NOX3: variants seen among roughly 807,000 people sequenced by gnomAD.
NOX3 encodes NADPH oxidase 3.
In NOX3, 74 loss-of-function variants were observed where a neutral mutation model predicts 76.7. The observed-to-expected ratio is 0.96, with a 90% CI of 0.80 to 1.17. The LOEUF is 1.17. Ranked by LOEUF, NOX3 falls within the 50% of genes most tolerant of loss-of-function variation. The probability of loss-of-function intolerance (pLI) is 0.00; values close to 1 mark genes in which losing one functional copy is unlikely to be tolerated. For synonymous variants in NOX3, 263 were observed against 261.1 expected, an observed-to-expected ratio of 1.01 and a Z score of -0.07; for missense variants, 695 against 703.3, an observed-to-expected ratio of 0.99 and a Z score of 0.13.
intron 9 of NOX3, 121 bp downstream of exon 9, chr6:155,428,673 G>T: frequency 2.3e-6 from 2 of 876,180 alleles, no homozygotes; most frequent in Non-Finnish European, 3.1e-6. Flanking sequence ...CTCAAATTTA[G>T]ACACAGTCTC....
rs1396485754 is a variant in NOX3 at position 155,411,248 on chromosome 6, T to C, written c.1421A>G (p.Tyr474Cys). 1 of 1,613,922 alleles carries C rather than the reference T, an allele frequency of 6.2e-7. No individual in the cohort carries two copies. The highest frequency in any genetic ancestry group is 1.3e-5 in the African/African-American group (1 of 74,934). The change falls in exon 11 of 14, where the codon TAT becomes TGT. Residue 474 changes from tyrosine to cysteine, a missense_variant. Physicochemically the swap from Tyr to Cys is radical, Grantham distance 194 (BLOSUM62 -2). Coordinates refer to ENST00000159060, the MANE Select transcript of NOX3 (RefSeq NM_015718.3). ...SEQGKTHFLSYHIFLTGWDEN... is the reference protein window; with the variant it reads ...SEQGKTHFLSCHIFLTGWDEN... ...ATCCCAGCCGGTAAGAAATATATGATAACTCAGAAAGTGAGTTTTCCCCTG... is the reference window on the plus strand; with the variant it reads ...ATCCCAGCCGGTAAGAAATATATGACAACTCAGAAAGTGAGTTTTCCCCTG...
chr6:155,434,621 C>T (rs1417567104), intron 7 of NOX3, among the ~76,000 whole-genome samples: 4 of 152,126 alleles, frequency 2.6e-5, no homozygotes, highest in African/African-American at 7.2e-5. Flanking sequence ...CTAAATGGGC[C>T]AGAAGAGATA....
In NOX3 at chr6:155,428,900, C is replaced by A; in HGVS notation, c.1039G>T (p.Asp347Tyr). 2 of 1,613,766 alleles carry A rather than the reference C, an allele frequency of 1.2e-6. No homozygotes were observed. The highest frequency in any genetic ancestry group is 1.7e-6 in the Non-Finnish European group (2 of 1,179,836). Residue 347 changes from aspartate to tyrosine, a missense_variant, in exon 9 of 14, where the codon GAC becomes TAC. By Grantham distance (160) the Asp-to-Tyr change is radical. Coordinates refer to ENST00000159060, the MANE Select transcript of NOX3 (RefSeq NM_015718.3). ...PFTLTSAPQE[D>Y]FFSVHIRAAG... ...GCCCGGATGTGCACGCTGAAAAAGT[C>A]CTCCTGGGGGGCAGAGGTAAGGGTG...
chr6:155,396,362 A>C (rs563492297), intron 13 of NOX3, among the ~76,000 whole-genome samples: 10 of 152,266 alleles, frequency 6.6e-5, no homozygotes, highest in African/African-American at 2.4e-4. Context: ...GGGAAATGAA[A>C]ATTTGAAATG....
rs1389898271 is a variant in NOX3 at position 155,429,022 on chromosome 6, A to C, written c.917T>G (p.Leu306Arg). 6.2e-7 allele frequency: 1 copy of C among 1,603,694 alleles called. No homozygotes were observed. The highest frequency in any genetic ancestry group is 1.3e-5 in the African/African-American group (1 of 74,704). The stretch of plus-strand genomic sequence containing the variant: ...GCCACGCTTTTTCATGTGAAGTTCC[A>C]GGACTCCAGAGGGGTGGCTTACCAC... ...TKVVSHPSGV[L>R]ELHMKKRGFK... Residue 306 changes from leucine (L) to arginine (R), a missense_variant, in exon 9 of 14, where the codon CTG becomes CGG. By Grantham distance (102) the Leu-to-Arg change is moderately radical (BLOSUM62 -2). Coordinates refer to ENST00000159060, the MANE Select transcript of NOX3 (RefSeq NM_015718.3).
chr6:155,449,135 G>A (rs1198243174), intron 4 of NOX3, among the ~76,000 whole-genome samples: 1 of 152,104 alleles, frequency 6.6e-6, no homozygotes, highest in Non-Finnish European at 1.5e-5. Flanking sequence ...TCAAGCCTGG[G>A]TCTCCAAATC....
intron 10 of NOX3, among the ~76,000 whole-genome samples, chr6:155,414,619 C>CTTCCTTTTTTTTTTTTTTTTTTTTT: frequency 8.4e-6 from 1 of 119,430 alleles, no homozygotes; most frequent in South Asian, 2.7e-4. Context: ...CTTTTCTTTT[C>CTTCCTTTTTTTTTTTTTTTTTTTTT]TTTCTTTTTT....
At chr6:155,415,566 G>A (rs1582931905) in intron 10 of NOX3, among the ~76,000 whole-genome samples, 1 of 152,324 alleles carries the variant, frequency 6.6e-6, no homozygotes, top group South Asian at 2.1e-4. Context: ...AGGATATAGT[G>A]TAGCATGGTA....
intron 2 of NOX3, 34 bp from the exon 3 acceptor site, chr6:155,454,955 A>G (rs1301124364): frequency 6.3e-7 from 1 of 1,578,276 alleles, no homozygotes. Context: ...AAAGAGATTC[A>G]GGGAAAACAA....
At chr6:155,440,204 G>A in intron 5 of NOX3, 67 bp from the exon 6 acceptor site, 2 of 1,314,118 alleles carry the variant, frequency 1.5e-6, no homozygotes, top group Non-Finnish European at 2.0e-6. Flanking sequence ...TAAATATCCT[G>A]GCATATTTTT....
chr6:155,454,848 C>T lies in NOX3; in HGVS notation c.218G>A (p.Ser73Asn). Reference sequence around the variant, plus strand: ...TCTTATGAATGAAATAAGGTTTCGACTGACAGGTATTAGAATTAGCATGCA... The same window carrying T: ...TCTTATGAATGAAATAAGGTTTCGATTGACAGGTATTAGAATTAGCATGCA... ...FNCMLILIPV[S>N]RNLISFIRGT... is the part of the protein sequence containing the mutation. Residue 73 changes from serine to asparagine, a missense_variant, in exon 3 of 14, where the codon AGT becomes AAT. Transcript: ENST00000159060. 1 of 1,604,818 alleles carries T rather than the reference C, an allele frequency of 6.2e-7. No individual in the cohort carries two copies. Among genetic ancestry groups the T allele is most frequent in the African/African-American group, 1.3e-5 (1 of 74,442 alleles).
At chr6:155,425,327 A>C (rs1776743067) in intron 9 of NOX3, among the ~76,000 whole-genome samples, 1 of 152,096 alleles carries the variant, frequency 6.6e-6, no homozygotes, top group South Asian at 2.1e-4. Flanking sequence ...CATTTGCACA[A>C]ATTCTTGTTT....
intron 10 of NOX3, among the ~76,000 whole-genome samples, chr6:155,421,448 C>G (rs1776687679): frequency 1.3e-5 from 2 of 152,206 alleles, no homozygotes; most frequent in South Asian, 2.1e-4. Context: ...TTCTAGCCCT[C>G]ATTGCCTGGG....
chr6:155,400,714 A>G (rs998933966), intron 12 of NOX3, among the ~76,000 whole-genome samples: 1 of 150,476 alleles, frequency 6.6e-6, no homozygotes, highest in African/African-American at 2.5e-5. Flanking sequence ...CTGTGTCCTA[A>G]TTACTCAGTT....
At chr6:155,428,221 G>A (rs564733841) in intron 9 of NOX3, among the ~76,000 whole-genome samples, 2 of 152,224 alleles carry the variant, frequency 1.3e-5, no homozygotes, top group African/African-American at 4.8e-5. Flanking sequence ...GCTGTGGGTT[G>A]AGTGTGTCCC....
intron 12 of NOX3, among the ~76,000 whole-genome samples, chr6:155,401,191 C>T (rs890698533): frequency 5.3e-5 from 8 of 152,160 alleles, no homozygotes; most frequent in Non-Finnish European, 8.8e-5. Context: ...TCTCTCCAAT[C>T]CCCCCTACCA....
chr6:155,428,360 T>G (rs231952), intron 9 of NOX3, among the ~76,000 whole-genome samples: 1 of 152,136 alleles, frequency 6.6e-6, no homozygotes. Flanking sequence ...ATATCCAATA[T>G]GACTTGGGTC....
intron 4 of NOX3, among the ~76,000 whole-genome samples, chr6:155,450,079 C>T (rs750288015): frequency 7.1e-4 from 108 of 152,262 alleles, no homozygotes; most frequent in Non-Finnish European, 1.3e-3. Flanking sequence ...GTGGAAACAC[C>T]GCAGCTCTGC....
At chr6:155,408,715 A>G (rs1200079342) in intron 11 of NOX3, among the ~76,000 whole-genome samples, 1 of 152,212 alleles carries the variant, frequency 6.6e-6, no homozygotes, top group Non-Finnish European at 1.5e-5. Flanking sequence ...GTGTCCATCA[A>G]CAGTTGACTG....
Sources: gnomAD v4.1 joint callset for allele counts (sites outside exome capture counted in the v4.1 genomes callset) on GRCh38, gnomAD v4.1.1 for gene constraint, MANE v1.5 for transcripts, NCBI Gene and HGNC (gene_info 2026-07-23, HGNC 2026-07-21) for gene names.